PRELID2: variants seen among roughly 807,000 people sequenced by gnomAD.
The protein encoded by PRELID2 is PRELI domain containing 2, also known as PRELI domain-containing protein 2.
Under a neutral mutation model 28.4 loss-of-function variants are expected in PRELID2, and 25 were observed. The observed-to-expected ratio is 0.88, with a 90% CI of 0.64 to 1.23. The LOEUF (loss-of-function observed/expected upper bound fraction) is 1.23. Among genes scored for constraint, PRELID2 ranks in the 50% most tolerant of loss-of-function variants. PRELID2 has a pLI of 0.00. For synonymous variants in PRELID2, 76 were observed against 71.6 expected, an observed-to-expected ratio of 1.06 and a Z score of -0.31; for missense variants, 201 against 214.4, an observed-to-expected ratio of 0.94 and a Z score of 0.39.
At chr5:145,471,591 A>C (rs1486052218), downstream of PRELID2, among the ~76,000 whole-genome samples, 12 of 147,030 alleles carry the variant, frequency 8.2e-5, no homozygotes, top group East Asian at 2.0e-4. Context: ...TAACACACAC[A>C]TTTTTTTTTT....
intron 1 of PRELID2, among the ~76,000 whole-genome samples, chr5:145,476,392 T>A (rs1580951106): frequency 6.6e-6 from 1 of 152,158 alleles, no homozygotes; most frequent in East Asian, 1.9e-4. Context: ...CGCCTGTAAT[T>A]CCAGCACTTT....
At chr5:145,732,606 C>T (rs1756376714) in intron 1 of PRELID2, among the ~76,000 whole-genome samples, 1 of 152,170 alleles carries the variant, frequency 6.6e-6, no homozygotes, top group East Asian at 1.9e-4. Context: ...CTGACATTCA[C>T]TGTACTGGAT....
At chr5:145,375,732 G>A in the PRELID2 span, among the ~76,000 whole-genome samples, 1 of 152,140 alleles carries the variant, frequency 6.6e-6, no homozygotes, top group Non-Finnish European at 1.5e-5. Context: ...GTCATGGTCA[G>A]GCCTGAAAAG....
chr5:145,746,291 C>A (rs1251150631), intron 1 of PRELID2, among the ~76,000 whole-genome samples: 1 of 152,096 alleles, frequency 6.6e-6, no homozygotes, highest in Admixed American at 6.5e-5. Flanking sequence ...CAAAGTCACA[C>A]ATGGGCTCAA....
chr5:145,417,931 C>G, the PRELID2 span, among the ~76,000 whole-genome samples: 3 of 152,054 alleles, frequency 2.0e-5, no homozygotes, highest in Admixed American at 1.3e-4. Context: ...AAAGGGTATT[C>G]AAATAGGAAG....
At chr5:145,642,668 A>C (rs1754128171) in intron 1 of PRELID2, among the ~76,000 whole-genome samples, 2 of 152,188 alleles carry the variant, frequency 1.3e-5, no homozygotes, top group Non-Finnish European at 2.9e-5. Flanking sequence ...TTAAGTCTTT[A>C]ATCCATCTTG....
intron 1 of PRELID2, among the ~76,000 whole-genome samples, chr5:145,644,370 AT>A (rs1380678757): frequency 1.3e-5 from 2 of 151,548 alleles, no homozygotes; most frequent in African/African-American, 4.8e-5. Flanking sequence ...TCCCTTTATC[AT>A]TTTTTATTGC....
chr5:145,385,653 CT>C, the PRELID2 span, among the ~76,000 whole-genome samples: 1 of 152,134 alleles, frequency 6.6e-6, no homozygotes, highest in East Asian at 1.9e-4. Context: ...TTACCAAGAA[CT>C]TTTGGCCTAT....
At chr5:145,798,815 T>C (rs1051456915) in intron 4 of PRELID2, among the ~76,000 whole-genome samples, 6 of 152,160 alleles carry the variant, frequency 3.9e-5, no homozygotes, top group South Asian at 2.1e-4. Context: ...TAGATGGGAA[T>C]TGAACAATGA....
At chr5:145,354,217 G>A in the PRELID2 span, among the ~76,000 whole-genome samples, 4 of 151,450 alleles carry the variant, frequency 2.6e-5, no homozygotes, top group African/African-American at 9.8e-5. Context: ...CCTTGAGAAG[G>A]CACAGCCAGG....
chr5:145,498,656 GT>G (rs1447036262), intron 1 of PRELID2, among the ~76,000 whole-genome samples: 6 of 152,162 alleles, frequency 3.9e-5, no homozygotes, highest in Non-Finnish European at 8.8e-5. Flanking sequence ...AGCCTCCTGA[GT>G]AGCTGGGACT....
chr5:145,393,459 G>A, the PRELID2 span, among the ~76,000 whole-genome samples: 115 of 152,262 alleles, frequency 7.6e-4, no homozygotes, highest in African/African-American at 2.6e-3. Context: ...TTCAAGCATC[G>A]GGCAGCCTCC....
intron 1 of PRELID2, among the ~76,000 whole-genome samples, chr5:145,829,453 G>A (rs563424488): frequency 6.6e-6 from 1 of 152,220 alleles, no homozygotes; most frequent in Non-Finnish European, 1.5e-5. Flanking sequence ...TATTCAACAA[G>A]TACTTTAAAG....
the PRELID2 span, among the ~76,000 whole-genome samples, chr5:145,268,237 C>G: frequency 1.3e-5 from 2 of 152,086 alleles, no homozygotes; most frequent in African/African-American, 4.8e-5. Context: ...TGGAGAATTT[C>G]TGGAGGGTTT....
intron 1 of PRELID2, among the ~76,000 whole-genome samples, chr5:145,485,083 A>G (rs536264936): frequency 8.5e-5 from 13 of 152,234 alleles, no homozygotes; most frequent in Non-Finnish European, 1.6e-4. Flanking sequence ...GAAATAGCCA[A>G]TTATAAAATC....
intron 1 of PRELID2, among the ~76,000 whole-genome samples, chr5:145,741,025 A>G (rs1457876721): frequency 1.7e-5 from 2 of 117,398 alleles, no homozygotes; most frequent in Non-Finnish European, 3.2e-5. Flanking sequence ...CAAATAAAAT[A>G]TATATTATAT....
the PRELID2 span, among the ~76,000 whole-genome samples, chr5:145,433,596 C>T: frequency 6.6e-6 from 1 of 152,154 alleles, no homozygotes; most frequent in Admixed American, 6.5e-5. Context: ...ATCCTTGCCT[C>T]AGTCCCTCAG....
the PRELID2 span, among the ~76,000 whole-genome samples, chr5:145,369,556 A>C: frequency 6.6e-6 from 1 of 152,044 alleles, no homozygotes; most frequent in African/African-American, 2.4e-5. Context: ...TGACTTTGCT[A>C]TTGTAAATAG....
intron 1 of PRELID2, among the ~76,000 whole-genome samples, chr5:145,681,366 C>T (rs1311956420): frequency 6.6e-6 from 1 of 152,050 alleles, no homozygotes; most frequent in Non-Finnish European, 1.5e-5. Flanking sequence ...TGTTTGTCTT[C>T]TCTCTCTTGT....
Sources: allele counts gnomAD v4.1 joint callset (sites outside exome capture counted in the v4.1 genomes callset), GRCh38; gene constraint gnomAD v4.1.1; transcripts MANE v1.5; gene names NCBI Gene and HGNC (gene_info 2026-07-23, HGNC 2026-07-21).